The following ROBO1 variants were observed in gnomAD, a reference collection of about 807,000 sequenced individuals.
The protein encoded by ROBO1 is roundabout guidance receptor 1.
Under a neutral mutation model 195.9 loss-of-function variants are expected in ROBO1, and 149 were observed. The observed-to-expected ratio is 0.76, with a 90% CI of 0.67 to 0.87. The LOEUF is 0.87. ROBO1 is among the 40% of genes least tolerant of loss of function. The probability of loss-of-function intolerance (pLI) is 0.00; values close to 1 mark genes in which losing one functional copy is unlikely to be tolerated. For synonymous variants in ROBO1, 816 were observed against 733.2 expected (o/e 1.11, Z -1.82); for missense variants, 1,933 against 2,068.3 (o/e 0.93, Z 1.27).
chr3:79,106,807 T>A (rs906617781), intron 3 of ROBO1, among the ~76,000 whole-genome samples: 8 of 151,726 alleles, frequency 5.3e-5, no homozygotes, highest in Middle Eastern at 6.8e-3. Flanking sequence ...ATTATCTGAG[T>A]ATCCAAAGCA....
chr3:78,851,111 C>T (rs948897211), intron 4 of ROBO1, among the ~76,000 whole-genome samples: 2 of 152,146 alleles, frequency 1.3e-5, no homozygotes, highest in East Asian at 3.9e-4. Flanking sequence ...CCCGGTCACA[C>T]CTATCATTTT....
chr3:79,545,227 A>T (rs574121127), intron 2 of ROBO1, among the ~76,000 whole-genome samples: 2 of 152,336 alleles, frequency 1.3e-5, no homozygotes, highest in South Asian at 4.1e-4. Flanking sequence ...GGCAATAGCA[A>T]CTGAAAAAAA....
intron 4 of ROBO1, among the ~76,000 whole-genome samples, chr3:78,930,734 A>G (rs922680985): frequency 1.3e-5 from 2 of 152,102 alleles, no homozygotes; most frequent in Non-Finnish European, 2.9e-5. Context: ...CATCTCTATT[A>G]CTACCACCAG....
chr3:79,764,293 T>A (rs1357355382), intron 1 of ROBO1, among the ~76,000 whole-genome samples: 1 of 152,222 alleles, frequency 6.6e-6, no homozygotes, highest in Admixed American at 6.5e-5. Context: ...GGTACAAATA[T>A]GAATACATTA....
chr3:79,704,903 CATT>C (rs1318890225), intron 1 of ROBO1, among the ~76,000 whole-genome samples: 1 of 151,924 alleles, frequency 6.6e-6, no homozygotes, highest in Admixed American at 6.6e-5. Context: ...AGCAGTATCT[CATT>C]GTTGTCGTCT....
Position 78,711,368 on chromosome 3 carries a change from TTCCTTCCTTC to T in ROBO1, c.1045+3019_1045+3028del, listed in dbSNP as rs1303755748. On this transcript the variant is annotated intron_variant, in intron 8 of 30. Coordinates refer to ENST00000464233, the MANE Select transcript of ROBO1 (RefSeq NM_002941.4). ...CCTTCCTCCTTCCTTCCTTCCTTCC[TTCCTTCCTTC>T]CTTCCTTCCTTCCTTCCTTCCTTTC... is the stretch of plus-strand genomic sequence containing the variant. 2.3e-3 allele frequency among the ~76,000 whole-genome samples: 135 copies of T among 59,804 alleles called. 31 individuals carry two copies. Among genetic ancestry groups the T allele is most frequent in the Middle Eastern group, 8.6e-3 (1 of 116 alleles). 39.2% of individuals were successfully genotyped at this position (59,804 alleles called of 152,430 possible). A position where few individuals can be genotyped will look rare whatever the true frequency, so the allele number is the denominator to read the frequency against.
chr3:79,652,071 A>T (rs922976073), intron 1 of ROBO1, among the ~76,000 whole-genome samples: 1 of 152,154 alleles, frequency 6.6e-6, no homozygotes, highest in Non-Finnish European at 1.5e-5. Flanking sequence ...CAGGTCTCAC[A>T]TTCAGCATAT....
chr3:79,568,480 GAAA>G (rs36032880), intron 2 of ROBO1, among the ~76,000 whole-genome samples: 7 of 135,424 alleles, frequency 5.2e-5, no homozygotes, highest in African/African-American at 1.3e-4. Flanking sequence ...TTTCTACATT[GAAA>G]AAAAAAAAAA....
intron 2 of ROBO1, among the ~76,000 whole-genome samples, chr3:79,488,349 C>G (rs1939270461): frequency 6.6e-6 from 1 of 152,064 alleles, no homozygotes; most frequent in Non-Finnish European, 1.5e-5. Flanking sequence ...CATTTGAATA[C>G]TTATAGAGCA....
At chr3:78,670,525 A>G in intron 10 of ROBO1, 1 of 525,654 alleles carries the variant, frequency 1.9e-6, no homozygotes, top group Non-Finnish European at 3.4e-6. Flanking sequence ...CCACTCACTG[A>G]GCTGGCTGCA....
intron 1 of ROBO1, among the ~76,000 whole-genome samples, chr3:79,705,790 C>A (rs142010090): frequency 6.6e-6 from 1 of 152,008 alleles, no homozygotes; most frequent in Non-Finnish European, 1.5e-5. Context: ...TTGATAATAT[C>A]GAGTCTTCAT....
chr3:78,750,392 G>T (rs1221735962), intron 4 of ROBO1, among the ~76,000 whole-genome samples: 1 of 151,290 alleles, frequency 6.6e-6, no homozygotes, highest in African/African-American at 2.4e-5. Flanking sequence ...GGTGGAGCTT[G>T]CAGTGAGCCA....
chr3:79,334,432 T>G (rs546928655), intron 2 of ROBO1, among the ~76,000 whole-genome samples: 1 of 150,704 alleles, frequency 6.6e-6, no homozygotes, highest in Non-Finnish European at 1.5e-5. Flanking sequence ...TTTACTTTAA[T>G]CATCTTCCTC....
chr3:79,566,905 G>A (rs951644378), intron 2 of ROBO1, among the ~76,000 whole-genome samples: 18 of 151,948 alleles, frequency 1.2e-4, no homozygotes, highest in African/African-American at 2.9e-4. Context: ...CAGAAATACC[G>A]TTCAACCCGG....
At chr3:79,126,535 G>A (rs546836091) in intron 2 of ROBO1, among the ~76,000 whole-genome samples, 1 of 152,112 alleles carries the variant, frequency 6.6e-6, no homozygotes, top group Non-Finnish European at 1.5e-5. Flanking sequence ...TTATAGGTCT[G>A]CTACTGAGAA....
intron 2 of ROBO1, among the ~76,000 whole-genome samples, chr3:79,274,098 A>G (rs558127832): frequency 1.7e-4 from 26 of 152,132 alleles, no homozygotes; most frequent in African/African-American, 5.8e-4. Context: ...TTAGTATTGG[A>G]CAGATTATAT....
intron 3 of ROBO1, among the ~76,000 whole-genome samples, chr3:78,974,348 A>G (rs193150161): frequency 3.3e-5 from 5 of 152,290 alleles, no homozygotes; most frequent in Non-Finnish European, 7.4e-5. Flanking sequence ...AGAAGAAGAA[A>G]AAAAAGGACA....
chr3:78,931,236 C>CTTTTTTTTTTTT (rs71127369), intron 4 of ROBO1, among the ~76,000 whole-genome samples: 62 of 79,170 alleles, frequency 7.8e-4, no homozygotes, highest in South Asian at 1.2e-3. Context: ...TTCTTTCTTT[C>CTTTTTTTTTTTT]TTTTTTTTTT....
chr3:79,664,330 T>C (rs1229106516), intron 1 of ROBO1, among the ~76,000 whole-genome samples: 1 of 151,970 alleles, frequency 6.6e-6, no homozygotes, highest in Non-Finnish European at 1.5e-5. Context: ...AAGTCTGATG[T>C]CTTAAAATGA....
Sources: allele counts gnomAD v4.1 joint callset (sites outside exome capture counted in the v4.1 genomes callset), GRCh38; gene constraint gnomAD v4.1.1; transcripts MANE v1.5; gene names NCBI Gene and HGNC (gene_info 2026-07-23, HGNC 2026-07-21).